Variants in GAB3 observed in about 807,000 individuals in gnomAD.
GAB3 encodes GRB2 associated binding protein 3, also known as GRB2-associated-binding protein 3.
GAB3 carries 12 observed loss-of-function variants against 40.4 expected under a neutral mutation model. That is an observed-to-expected ratio of 0.30 (90% confidence interval 0.19 to 0.48). The LOEUF is 0.48. GAB3 is among the 20% of genes least tolerant of loss of function. GAB3 has a pLI of 0.99. For missense variants in GAB3, 381 were observed against 461.9 expected (o/e 0.82, Z 1.61); for synonymous variants, 154 against 176.7 (o/e 0.87, Z 1.02).
chrX:154,726,892 A>G (rs1224623154), intron 1 of GAB3, among the ~76,000 whole-genome samples: 1 of 111,073 alleles, frequency 9.0e-6, no homozygotes, highest in Non-Finnish European at 1.9e-5. Flanking sequence ...CTCTCCATGC[A>G]CCACCCCTGC....
At chrX:154,678,733 T>A (rs1443149131) in intron 9 of GAB3, among the ~76,000 whole-genome samples, 4 of 111,931 alleles carry the variant, frequency 3.6e-5, no homozygotes, top group African/African-American at 1.3e-4. Flanking sequence ...ATCTGATAGT[T>A]TTATAAGGGG....
rs782633613 is a variant in GAB3, at chrX:154,696,033, T to C, written c.1428-14A>G. 3 of 1,046,907 alleles carry C rather than the reference T, an allele frequency of 2.9e-6. No individual in the cohort carries two copies. Among genetic ancestry groups the C allele is most frequent in the South Asian group, 4.0e-5 (2 of 50,171 alleles). 86.3% of individuals were successfully genotyped at this position (1,046,907 alleles called of 1,213,427 possible). ...CTGGTTCGACTGCTAAGAATAAAAA[T>C]ATAGATGAGGTCAAAGCAATGTCTT... On this transcript the variant is annotated splice_polypyrimidine_tract_variant and intron_variant, in intron 7 of 9. Transcript: ENST00000424127.
chrX:154,741,143 T>C (rs2071430336), intron 1 of GAB3, among the ~76,000 whole-genome samples: 1 of 111,792 alleles, frequency 8.9e-6, no homozygotes, highest in African/African-American at 3.3e-5. Flanking sequence ...AAGGGGAGTT[T>C]CCCTGCACAA....
chrX:154,745,746 A>G (rs1203040882), intron 1 of GAB3, among the ~76,000 whole-genome samples: 1 of 112,177 alleles, frequency 8.9e-6, no homozygotes, highest in Non-Finnish European at 1.9e-5. Context: ...ACATAGCCCT[A>G]TATCTATTAA....
intron 4 of GAB3, among the ~76,000 whole-genome samples, chrX:154,704,343 C>T (rs782543626): frequency 9.0e-6 from 1 of 111,190 alleles, no homozygotes; most frequent in African/African-American, 3.3e-5. Flanking sequence ...TTTGACCACA[C>T]AACAGGGTGA....
At chrX:154,733,444 C>T (rs2071321448) in intron 1 of GAB3, among the ~76,000 whole-genome samples, 1 of 112,151 alleles carries the variant, frequency 8.9e-6, no homozygotes, top group Non-Finnish European at 1.9e-5. Context: ...GAAAAACTTT[C>T]GCATTTTGTC....
chrX:154,722,785 C>T (rs782476817), intron 1 of GAB3, among the ~76,000 whole-genome samples: 1 of 112,047 alleles, frequency 8.9e-6, no homozygotes, highest in Non-Finnish European at 1.9e-5. Context: ...AGGTTATGAT[C>T]GAGAAGGACA....
intron 1 of GAB3, among the ~76,000 whole-genome samples, chrX:154,719,487 G>A (rs2071095950): frequency 1.8e-5 from 2 of 112,079 alleles, no homozygotes; most frequent in South Asian, 3.7e-4. Context: ...AGGAAGCAGC[G>A]TGCACAAAGG....
chrX:154,713,742 C>CATATATAT (rs59885867), intron 2 of GAB3, among the ~76,000 whole-genome samples: 409 of 19,624 alleles, frequency 0.021, 46 homozygotes, highest in Non-Finnish European at 0.032. Flanking sequence ...AACTAACAAA[C>CATATATAT]ATATATATAT....
intron 8 of GAB3, among the ~76,000 whole-genome samples, chrX:154,688,306 G>A (rs1219187571): frequency 6.6e-5 from 7 of 106,638 alleles, no homozygotes; most frequent in Admixed American, 2.0e-4. Context: ...TTGAGACAGA[G>A]TCTTACTCTG....
At chrX:154,688,701 T>C (rs1557248492) in intron 8 of GAB3, among the ~76,000 whole-genome samples, 1 of 112,014 alleles carries the variant, frequency 8.9e-6, no homozygotes, top group African/African-American at 3.2e-5. Context: ...AGAAAATATA[T>C]GGATGGCAAG....
upstream of GAB3, chrX:154,751,096 C>T (rs1382099122): frequency 2.1e-5 from 16 of 756,116 alleles, no homozygotes; most frequent in Middle Eastern, 7.3e-4. Flanking sequence ...GCCAAGGATG[C>T]CGGCGGGGCG....
intron 4 of GAB3, among the ~76,000 whole-genome samples, chrX:154,706,127 T>C (rs1006068652): frequency 2.7e-5 from 3 of 111,874 alleles, no homozygotes; most frequent in Admixed American, 9.5e-5. Context: ...AATATTCTTC[T>C]GGATCTGGCC....
chrX:154,739,686 G>A (rs1557260967), intron 1 of GAB3, among the ~76,000 whole-genome samples: 1 of 111,701 alleles, frequency 9.0e-6, no homozygotes, highest in African/African-American at 3.3e-5. Flanking sequence ...GGGTAAATAG[G>A]GTGGATGAAG....
intron 1 of GAB3, among the ~76,000 whole-genome samples, chrX:154,731,186 C>T (rs1285546111): frequency 8.9e-6 from 1 of 112,094 alleles, no homozygotes; most frequent in East Asian, 2.8e-4. Flanking sequence ...TGTTTACAAA[C>T]CTGGGAGGGT....
At chrX:154,712,775 T>C in intron 3 of GAB3, 74 bp from the exon 4 acceptor site, 1 of 599,733 alleles carries the variant, frequency 1.7e-6, no homozygotes, top group Non-Finnish European at 2.5e-6. Flanking sequence ...CTGGCCTCAT[T>C]CCCATCTCCC....
At chrX:154,750,558 C>A (rs1269522396) in intron 1 of GAB3, among the ~76,000 whole-genome samples, 1 of 112,349 alleles carries the variant, frequency 8.9e-6, no homozygotes, top group African/African-American at 3.2e-5. Flanking sequence ...TCTCCCTATC[C>A]CCTGCCGCGT....
chrX:154,711,564 A>C (rs782277804), intron 4 of GAB3, among the ~76,000 whole-genome samples: 3 of 111,960 alleles, frequency 2.7e-5, no homozygotes, highest in East Asian at 5.6e-4. Context: ...GCCTTATAGA[A>C]AAGGGCAAAA....
At chrX:154,690,263 A>C (rs2070534949) in intron 8 of GAB3, among the ~76,000 whole-genome samples, 1 of 111,564 alleles carries the variant, frequency 9.0e-6, no homozygotes, top group Non-Finnish European at 1.9e-5. Flanking sequence ...TACAAAAATT[A>C]ATTCAAGATG....
Sources: gnomAD v4.1 joint callset for allele counts (sites outside exome capture counted in the v4.1 genomes callset) on GRCh38, gnomAD v4.1.1 for gene constraint, MANE v1.5 for transcripts, NCBI Gene and HGNC (gene_info 2026-07-23, HGNC 2026-07-21) for gene names.